Variants in PXK observed in about 807,000 individuals in gnomAD.
PXK encodes the protein PX domain containing serine/threonine kinase like, also known as PX domain-containing protein kinase-like protein.
Under a neutral mutation model 84.7 loss-of-function variants are expected in PXK, and 35 were observed. The observed-to-expected ratio is 0.41, with a 90% confidence interval of 0.32 to 0.55. The LOEUF is 0.55. Ranked by LOEUF, PXK falls within the 20% of genes least tolerant of loss-of-function variation. The pLI, the probability that PXK is intolerant of heterozygous loss-of-function variation, is 0.21. For synonymous variants in PXK, 253 were observed against 260.8 expected (o/e 0.97, Z 0.29); for missense variants, 634 against 699.7 (o/e 0.91, Z 1.06).
intron 2 of PXK, among the ~76,000 whole-genome samples, chr3:58,366,954 A>T (rs1182456235): frequency 6.6e-6 from 1 of 152,128 alleles, no homozygotes; most frequent in Non-Finnish European, 1.5e-5. Context: ...ATGACCTTAT[A>T]TTTAACTTTT....
chr3:58,413,058 G>A lies in PXK; in HGVS notation c.1528+95G>A, dbSNP rs2060445369. 2.3e-5 allele frequency: 30 copies of A among 1,326,940 alleles called. No homozygotes were observed. The East Asian group carries it at 6.9e-4, about 31-fold the overall frequency. The allele number at this position is 1,326,940 out of a possible 1,614,324, so 82.2% of individuals were successfully genotyped here. A position where few individuals can be genotyped will look rare whatever the true frequency, so the allele number is the denominator to read the frequency against. ...CTGCCTTGGCCCAACAATTTCAGGG[G>A]TTAGATAGCAGCAGCTTTCTCAAGA... On this transcript the variant is annotated intron_variant, in intron 17 of 17. Transcript: ENST00000356151.
chr3:58,419,533 G>A (rs1576849036), intron 17 of PXK, among the ~76,000 whole-genome samples: 1 of 152,244 alleles, frequency 6.6e-6, no homozygotes, highest in Non-Finnish European at 1.5e-5. Flanking sequence ...GATTACAGGC[G>A]TGAGCCACCA....
chr3:58,397,125 G>T lies in PXK; in HGVS notation c.909G>T (p.Leu303=). The T allele has an allele frequency of 2.5e-6, 4 of 1,614,174 alleles. No homozygotes were observed. Among genetic ancestry groups the T allele is most frequent in the Non-Finnish European group, 3.4e-6 (4 of 1,180,026 alleles). The change falls in exon 10 of 18, where the codon CTG becomes CTT. Residue 303 remains leucine (L), a synonymous_variant. Coordinates refer to ENST00000356151, the MANE Select transcript of PXK (RefSeq NM_017771.5). This position sits in a 1 kb window ranked among gnomAD's most constrained non-coding sequence, Gnocchi z 4.7. ...TGCTCGATGGGGACACTTGCCGGCT[G>T]CTGGACCTTGAGAATTCCTTATTGG... ...NVMLDGDTCR[L]LDLENSLLGL... is the part of the protein sequence containing the mutation.
rs528902001 is a variant in PXK, at chr3:58,370,090, A to G, written c.201+612A>G. On this transcript the variant is annotated intron_variant, in intron 3 of 17. Transcript: ENST00000356151. The surrounding 1 kb of genome is among the most constrained non-coding windows in gnomAD (Gnocchi z 4.2). ...TAACAGATGTGGAATGATTGCGTGGATTGCTAGTGTTGTTCACTTAGGTGG... is the reference window on the plus strand; with the variant it reads ...TAACAGATGTGGAATGATTGCGTGGGTTGCTAGTGTTGTTCACTTAGGTGG... Among the ~76,000 whole-genome samples the G allele has an allele frequency of 7.9e-5, 12 of 152,192 alleles. No individual in the cohort carries two copies. The South Asian group carries it at 2.5e-3, about 32-fold the overall frequency.
chr3:58,413,017 C>T lies in PXK; in HGVS notation c.1528+54C>T, dbSNP rs1331108829. 1.6e-5 allele frequency: 25 copies of T among 1,566,802 alleles called. No homozygotes were observed. The East Asian group carries it at 2.5e-4, about 15-fold the overall frequency. ...CCTTCCTGTCCGCCAACAGGAGGAG[C>T]GGGCTGTGCCTCTTCCTGCCTTGGC... is the stretch of plus-strand genomic sequence containing the variant. On this transcript the variant is annotated intron_variant, in intron 17 of 17. Coordinates refer to ENST00000356151, the MANE Select transcript of PXK (RefSeq NM_017771.5).
At chr3:58,394,902 C>T in intron 7 of PXK, 96 bp from the exon 8 acceptor site, 6 of 871,568 alleles carry the variant, frequency 6.9e-6, no homozygotes, top group Non-Finnish European at 9.4e-6. Flanking sequence ...AATTAAACCA[C>T]CACAGTGCTA....
At chr3:58,355,027 G>A (rs753175649) in intron 1 of PXK, among the ~76,000 whole-genome samples, 6 of 151,994 alleles carry the variant, frequency 3.9e-5, no homozygotes, top group Non-Finnish European at 7.4e-5. Context: ...GCTGAGGTAC[G>A]AGAATCGCTT....
chr3:58,397,266 C>T lies in PXK; in HGVS notation c.984+66C>T. On this transcript the variant is annotated intron_variant, in intron 10 of 17. Transcript: ENST00000356151. The surrounding 1 kb of genome is among the most constrained non-coding windows in gnomAD (Gnocchi z 4.7). The stretch of plus-strand genomic sequence containing the variant: ...GTGTCAGTTATCCCCATGATCTGCC[C>T]ATGTAGGAAATATGCACCAAGTAGT... 1 of 1,538,814 alleles carries T rather than the reference C, an allele frequency of 6.5e-7. No homozygotes were observed. The highest frequency in any genetic ancestry group is 8.9e-7 in the Non-Finnish European group (1 of 1,120,022).
At position 58,394,995 on chromosome 3, in the gene PXK, C is replaced by T; in HGVS notation, c.616-3C>T. 6.2e-7 allele frequency: 1 copy of T among 1,602,000 alleles called. No homozygotes were observed. Among genetic ancestry groups the T allele is most frequent in the African/African-American group, 1.3e-5 (1 of 74,804 alleles). ...AATGTGAATTTCTTTTTTGTTTTGA[C>T]AGCACCCTTACATCTATCGGGTTAC... On this transcript the variant is annotated splice_region_variant and splice_polypyrimidine_tract_variant and intron_variant, in intron 7 of 17. Coordinates refer to ENST00000356151, the MANE Select transcript of PXK (RefSeq NM_017771.5).
At chr3:58,344,139 A>C (rs900574591) in intron 1 of PXK, among the ~76,000 whole-genome samples, 2 of 152,228 alleles carry the variant, frequency 1.3e-5, no homozygotes, top group Non-Finnish European at 2.9e-5. Flanking sequence ...TAGAAAGAGT[A>C]TGTTAGGACT....
At chr3:58,360,990 G>T (rs1264921429) in intron 1 of PXK, among the ~76,000 whole-genome samples, 2 of 151,700 alleles carry the variant, frequency 1.3e-5, no homozygotes, top group South Asian at 4.2e-4. Context: ...TATTACCTGG[G>T]GAAGCTATTA....
intron 17 of PXK, chr3:58,413,200 T>C: frequency 7.0e-6 from 4 of 572,622 alleles, no homozygotes; most frequent in Non-Finnish European, 1.2e-5. Context: ...ACCCCCGGGC[T>C]CCAGCTTGCT....
intron 6 of PXK, 102 bp from the exon 7 acceptor site, chr3:58,391,671 G>T: frequency 9.3e-7 from 1 of 1,078,990 alleles, no homozygotes; most frequent in Non-Finnish European, 1.4e-6. Context: ...TTTCGTCTTT[G>T]GTTTCCAGTC....
Position 58,400,743 on chromosome 3 carries a change from T to C in PXK, c.1181+1366T>C, listed in dbSNP as rs183062241. Among the ~76,000 whole-genome samples the C allele has an allele frequency of 1.1e-4, 16 of 152,218 alleles. 1 individual carries two copies. The highest frequency in any genetic ancestry group is 3.9e-4 in the African/African-American group (16 of 41,518). The stretch of plus-strand genomic sequence containing the variant: ...CTGGCCAACGTGTGGTGAAACCCTG[T>C]CTCTACTAAGAAAATATAAAAAATT... On this transcript the variant is annotated intron_variant, in intron 12 of 17. Coordinates refer to ENST00000356151, the MANE Select transcript of PXK (RefSeq NM_017771.5). The surrounding 1 kb of genome is among the most constrained non-coding windows in gnomAD (Gnocchi z 4.0).
chr3:58,343,159 C>T (rs1005839681), intron 1 of PXK, among the ~76,000 whole-genome samples: 7 of 152,192 alleles, frequency 4.6e-5, no homozygotes, highest in Non-Finnish European at 8.8e-5. Flanking sequence ...AAAGCAGTGT[C>T]GTTCATTCAT....
At chr3:58,386,290 C>CTTTTTTGTTTTTTTTTT (rs2098550233) in intron 4 of PXK, among the ~76,000 whole-genome samples, 1 of 82,254 alleles carries the variant, frequency 1.2e-5, no homozygotes, top group Non-Finnish European at 2.1e-5. Flanking sequence ...ATCCCCCTTA[C>CTTTTTTGTTTTTTTTTT]TTTTTTTTTT....
intron 1 of PXK, among the ~76,000 whole-genome samples, chr3:58,347,675 G>T (rs1329880662): frequency 1.3e-5 from 2 of 152,152 alleles, no homozygotes; most frequent in African/African-American, 4.8e-5. Context: ...AAATACAGCT[G>T]CCATGAATAT....
chr3:58,376,508 A>G (rs901790075), intron 3 of PXK, among the ~76,000 whole-genome samples: 2 of 152,214 alleles, frequency 1.3e-5, no homozygotes, highest in South Asian at 2.1e-4. Context: ...GTAAGAACCT[A>G]TAGACAACAT....
Position 58,385,131 on chromosome 3 carries a change from C to T in PXK, c.388+2431C>T, listed in dbSNP as rs2098540519. Among the ~76,000 whole-genome samples the T allele has an allele frequency of 6.6e-6, 1 of 152,116 alleles. No individual in the cohort carries two copies. The highest frequency in any genetic ancestry group is 1.5e-5 in the Non-Finnish European group (1 of 68,026). On this transcript the variant is annotated intron_variant, in intron 4 of 17. Coordinates refer to ENST00000356151, the MANE Select transcript of PXK (RefSeq NM_017771.5). This position sits in a 1 kb window ranked among gnomAD's most constrained non-coding sequence, Gnocchi z 5.1. Reference sequence around the variant, plus strand: ...TTGTCTTTGATCTCTACTCCCCCTCCCCACCCCCAGGCCTCCAGCATGGTA... The same window carrying T: ...TTGTCTTTGATCTCTACTCCCCCTCTCCACCCCCAGGCCTCCAGCATGGTA...
Sources: gnomAD v4.1 joint callset for allele counts (sites outside exome capture counted in the v4.1 genomes callset) on GRCh38, gnomAD v4.1.1 for gene constraint, Gnocchi (gnomAD v3.1) non-coding constraint, MANE v1.5 for transcripts, NCBI Gene and HGNC (gene_info 2026-07-23, HGNC 2026-07-21) for gene names.